Variants in KCTD1 observed in about 807,000 individuals in gnomAD.
KCTD1 encodes potassium channel tetramerization domain containing 1.
In KCTD1, 24 loss-of-function variants were observed where a neutral mutation model predicts 66.0. That is an observed-to-expected ratio of 0.36 (90% CI 0.26 to 0.51). KCTD1 has a LOEUF of 0.51. KCTD1 is among the 20% of genes least tolerant of loss of function. The pLI is 0.95. For synonymous variants in KCTD1, 511 were observed against 517.2 expected (o/e 0.99, Z 0.16); for missense variants, 943 against 1,205.2 (o/e 0.78, Z 3.22).
rs757129777 is a variant in KCTD1 at position 26,548,423 on chromosome 18, C to G, written c.114G>C (p.Ala38=). 1.4e-6 allele frequency: 2 copies of G among 1,424,514 alleles called. No homozygotes were observed. Among genetic ancestry groups the G allele is most frequent in the African/African-American group, 1.5e-5 (1 of 67,998 alleles). The allele number at this position is 1,424,514 out of a possible 1,614,324, so 88.2% of individuals were successfully genotyped here. A position where few individuals can be genotyped will look rare whatever the true frequency, so the allele number is the denominator to read the frequency against. Residue 38 remains alanine, a synonymous_variant, in exon 1 of 5, where the codon GCG becomes GCC. Transcript: ENST00000580059. ...NGERGEGERG[A]GGRGRRHSRP... The stretch of plus-strand genomic sequence containing the variant: ...GGCTGTGGCGGCGGCCGCGGCCCCC[C>G]GCGCCGCGCTCGCCCTCGCCCCGCT...
intron 1 of KCTD1, among the ~76,000 whole-genome samples, chr18:26,624,526 G>A (rs1041117741): frequency 2.2e-4 from 33 of 152,354 alleles, no homozygotes; most frequent in Non-Finnish European, 3.4e-4. Context: ...AAGCCTTGGT[G>A]GCTTCCATGT....
intron 1 of KCTD1, among the ~76,000 whole-genome samples, chr18:26,585,831 T>A (rs1986460190): frequency 6.6e-6 from 1 of 152,206 alleles, no homozygotes; most frequent in African/African-American, 2.4e-5. Flanking sequence ...TAGTCGAACT[T>A]AAAAAGTACA....
chr18:26,525,392 G>T (rs1984107964), intron 1 of KCTD1, among the ~76,000 whole-genome samples: 1 of 152,202 alleles, frequency 6.6e-6, no homozygotes, highest in Non-Finnish European at 1.5e-5. Flanking sequence ...TCAGGGATGT[G>T]ATTACCTTTT....
intron 1 of KCTD1, among the ~76,000 whole-genome samples, chr18:26,588,226 C>T (rs955917525): frequency 2.0e-5 from 3 of 150,874 alleles, no homozygotes; most frequent in African/African-American, 2.4e-5. Flanking sequence ...TCCAGGTTAC[C>T]GTAGGCTATG....
chr18:26,614,027 C>T (rs1987194113), intron 1 of KCTD1, among the ~76,000 whole-genome samples: 1 of 152,166 alleles, frequency 6.6e-6, no homozygotes. Context: ...TTCACTTGCC[C>T]TCTTTTATTT....
chr18:26,546,173 A>C (rs1444890925), intron 1 of KCTD1, among the ~76,000 whole-genome samples: 7 of 151,456 alleles, frequency 4.6e-5, no homozygotes. Flanking sequence ...TACATGTTAC[A>C]GTATAAACTG....
At chr18:26,600,582 C>T (rs1321048271) in intron 1 of KCTD1, among the ~76,000 whole-genome samples, 1 of 152,030 alleles carries the variant, frequency 6.6e-6, no homozygotes, top group Non-Finnish European at 1.5e-5. Context: ...GGTTTCTTCA[C>T]CTCATGTTAA....
intron 4 of KCTD1, 71 bp downstream of exon 4, chr18:26,459,549 T>C (rs1980289476): frequency 6.9e-7 from 1 of 1,446,260 alleles, no homozygotes; most frequent in East Asian, 2.3e-5. Context: ...AAAGGCACCA[T>C]GTGAGGGCAA....
chr18:26,651,368 G>A (rs1239677193), intron 1 of KCTD1, among the ~76,000 whole-genome samples: 2 of 152,202 alleles, frequency 1.3e-5, no homozygotes, highest in African/African-American at 4.8e-5. Flanking sequence ...TCCCTGCTCT[G>A]CCACTAGCCT....
chr18:26,601,715 C>T (rs115483708), intron 1 of KCTD1, among the ~76,000 whole-genome samples: 2,238 of 152,244 alleles, frequency 0.015, 55 homozygotes, highest in African/African-American at 0.051. Context: ...TTTCAGTTTA[C>T]AAATCTTGCA....
intron 1 of KCTD1, chr18:26,567,021 G>A (rs1409216771): frequency 6.6e-6 from 1 of 152,028 alleles, no homozygotes; most frequent in Non-Finnish European, 1.5e-5. Context: ...TGGTTTTCTT[G>A]GCTGCAAGTG....
chr18:26,550,567 C>CACACACAG (rs1985520132), upstream of KCTD1, among the ~76,000 whole-genome samples: 1 of 113,744 alleles, frequency 8.8e-6, no homozygotes, highest in African/African-American at 3.6e-5. The surrounding 1 kb of genome is among the most constrained non-coding windows in gnomAD (Gnocchi z 5.4). Flanking sequence ...GACACACAGA[C>CACACACAG]ACACACACAC....
At chr18:26,619,714 C>G (rs976375140) in intron 1 of KCTD1, among the ~76,000 whole-genome samples, 4 of 152,112 alleles carry the variant, frequency 2.6e-5, no homozygotes, top group African/African-American at 9.7e-5. Flanking sequence ...AATAGAAGCA[C>G]GGGAAAGATG....
upstream of KCTD1, among the ~76,000 whole-genome samples, chr18:26,643,770 G>T (rs1299422564): frequency 6.6e-6 from 1 of 152,182 alleles, no homozygotes; most frequent in Non-Finnish European, 1.5e-5. Flanking sequence ...AGACCATCCT[G>T]GCTAACACGA....
At chr18:26,590,142 G>A (rs1986564952) in intron 1 of KCTD1, among the ~76,000 whole-genome samples, 1 of 152,076 alleles carries the variant, frequency 6.6e-6, no homozygotes, top group Non-Finnish European at 1.5e-5. Flanking sequence ...GGAGTGCAGT[G>A]GCATGATCTC....
At chr18:26,621,373 T>C (rs1013906685) in intron 1 of KCTD1, among the ~76,000 whole-genome samples, 1 of 152,112 alleles carries the variant, frequency 6.6e-6, no homozygotes, top group Non-Finnish European at 1.5e-5. Context: ...CGTTTCCTGC[T>C]ATACGGGAAG....
exon 1 of KCTD1, chr18:26,629,233 G>A (rs890718241): frequency 2.1e-5 from 21 of 985,098 alleles, no homozygotes; most frequent in African/African-American, 3.5e-5. Flanking sequence ...AGCTAGTGAC[G>A]GGAGCTGTAA....
At chr18:26,624,420 C>T (rs1483420707) in intron 1 of KCTD1, among the ~76,000 whole-genome samples, 2 of 152,218 alleles carry the variant, frequency 1.3e-5, no homozygotes, top group African/African-American at 4.8e-5. Context: ...CTCTGTGCAG[C>T]CTCAGGACAT....
intron 2 of KCTD1, among the ~76,000 whole-genome samples, chr18:26,477,725 C>T (rs1366560176): frequency 6.6e-6 from 1 of 152,150 alleles, no homozygotes; most frequent in Non-Finnish European, 1.5e-5. Context: ...CTCTCTCCCC[C>T]AGAAGAAAGG....
Sources: gnomAD v4.1 joint callset for allele counts (sites outside exome capture counted in the v4.1 genomes callset) on GRCh38, gnomAD v4.1.1 for gene constraint, Gnocchi (gnomAD v3.1) non-coding constraint, MANE v1.5 for transcripts, NCBI Gene and HGNC (gene_info 2026-07-23, HGNC 2026-07-21) for gene names.